Variants in SYT10 observed in about 807,000 individuals in gnomAD.
SYT10 encodes synaptotagmin-10.
A neutral mutation model predicts 51.1 loss-of-function variants in SYT10; 31 were observed. That is an observed-to-expected ratio of 0.61 (90% CI 0.46 to 0.82). The LOEUF is 0.82. Among genes scored for constraint, SYT10 ranks in the 40% least tolerant of loss-of-function variants. SYT10 has a pLI of 0.00. For missense variants in SYT10, 603 were observed against 634.0 expected, an observed-to-expected ratio of 0.95 and a Z score of 0.53; for synonymous variants, 233 against 225.9, an observed-to-expected ratio of 1.03 and a Z score of -0.28.
chr12:33,391,955 C>T (rs186505350), intron 3 of SYT10, among the ~76,000 whole-genome samples: 12 of 152,240 alleles, frequency 7.9e-5, no homozygotes, highest in African/African-American at 2.2e-4. Flanking sequence ...ACACTTTTTA[C>T]GGGTGTTGTG....
chr12:33,385,214 A>C lies in SYT10; in HGVS notation c.1155T>G (p.Ile385Met). The part of the protein sequence containing the change: ...PTAGRMTLTV[I>M]KCRNLKAMDI... ...CCATCGCCTTCAGATTTCTGCACTT[A>C]ATGACTGTCAATGTCATACGCCCAG... Residue 385 changes from isoleucine (I) to methionine (M), a missense_variant, in exon 4 of 7, where the codon ATT (isoleucine) becomes ATG (methionine). Ile to Met is a conservative substitution (Grantham distance 10). Coordinates refer to ENST00000228567, the MANE Select transcript of SYT10 (RefSeq NM_198992.4). 1.2e-6 allele frequency: 2 copies of C among 1,613,718 alleles called. No homozygotes were observed. Among genetic ancestry groups the C allele is most frequent in the Non-Finnish European group, 8.5e-7 (1 of 1,179,766 alleles).
At chr12:33,415,943 T>C (rs1203272433) in intron 2 of SYT10, among the ~76,000 whole-genome samples, 2 of 152,224 alleles carry the variant, frequency 1.3e-5, no homozygotes, top group Admixed American at 6.5e-5. Flanking sequence ...GGTAGAAATC[T>C]GGCTCTTCCC....
At chr12:33,379,549 C>CAAAAAAAAAAAAAAA (rs71068377) in intron 6 of SYT10, among the ~76,000 whole-genome samples, 3 of 22,068 alleles carry the variant, frequency 1.4e-4, no homozygotes, top group Non-Finnish European at 2.0e-4. Context: ...TCAGGCTATG[C>CAAAAAAAAAAAAAAA]AAAAAAAAAA....
chr12:33,439,474 G>C lies in SYT10; in HGVS notation c.49C>G (p.Leu17Val). The change falls in exon 1 of 7, where the codon CTG becomes GTG. Residue 17 changes from leucine (L) to valine (V), a missense_variant. Transcript: ENST00000228567. ...AAGCACAGCTCGGTGACGATGTGCA[G>C]AGCCTTCTGGCACAGACTGTTCACT... ...DGVNSLCQKA[L>V]HIVTELCFAG... 6.2e-7 allele frequency: 1 copy of C among 1,614,218 alleles called. No homozygotes were observed. The highest frequency in any genetic ancestry group is 8.5e-7 in the Non-Finnish European group (1 of 1,180,010).
At chr12:33,438,306 A>G (rs1866654427) in intron 1 of SYT10, among the ~76,000 whole-genome samples, 1 of 152,196 alleles carries the variant, frequency 6.6e-6, no homozygotes, top group African/African-American at 2.4e-5. Context: ...AAGAACCTAG[A>G]GAAGGAATGG....
intron 1 of SYT10, among the ~76,000 whole-genome samples, chr12:33,435,902 A>T (rs1866634034): frequency 6.6e-6 from 1 of 152,222 alleles, no homozygotes; most frequent in East Asian, 1.9e-4. Flanking sequence ...ACTGAAGAAC[A>T]TATGTATGAA....
intron 2 of SYT10, among the ~76,000 whole-genome samples, chr12:33,417,304 C>T (rs974141809): frequency 9.9e-5 from 15 of 151,208 alleles, no homozygotes; most frequent in African/African-American, 3.4e-4. Context: ...TGGATGATCT[C>T]GGGAGTGGAG....
In SYT10 at chr12:33,374,754, GA is replaced by G. The variant is rs1234251820; in HGVS notation, c.*2075del. ...TACAATTCCCATATTAGAGTCTTCT[GA>G]TTGGCCAATGGTTCACATTTTTTCA... On this transcript the variant is annotated 3_prime_UTR_variant, in exon 7 of 7. Coordinates refer to ENST00000228567, the MANE Select transcript of SYT10 (RefSeq NM_198992.4). 6.6e-6 allele frequency: 1 copy of G among 151,804 alleles called. No homozygotes were observed. Among genetic ancestry groups the G allele is most frequent in the Non-Finnish European group, 1.5e-5 (1 of 67,852 alleles). 9.4% of individuals were successfully genotyped at this position (151,804 alleles called of 1,614,324 possible). A position where few individuals can be genotyped will look rare whatever the true frequency, so the allele number is the denominator to read the frequency against.
intron 3 of SYT10, among the ~76,000 whole-genome samples, chr12:33,397,021 A>G (rs1056339480): frequency 1.3e-5 from 2 of 152,152 alleles, no homozygotes; most frequent in African/African-American, 4.8e-5. Flanking sequence ...GGCTCTTTCT[A>G]ACTTTCTGTG....
At chr12:33,439,209 C>A (rs1592001548) in intron 1 of SYT10, among the ~76,000 whole-genome samples, 163 bp downstream of exon 1, 1 of 152,350 alleles carries the variant, frequency 6.6e-6, no homozygotes, top group Non-Finnish European at 1.5e-5. Context: ...GCCCCACCCT[C>A]GAAGTCGTCA....
intron 1 of SYT10, among the ~76,000 whole-genome samples, chr12:33,431,166 A>C (rs1866593756): frequency 6.6e-6 from 1 of 152,208 alleles, no homozygotes; most frequent in Non-Finnish European, 1.5e-5. Flanking sequence ...AGATGGAAAA[A>C]GGGAAGGTGA....
chr12:33,408,016 C>T (rs1299763695), intron 2 of SYT10: 1 of 152,138 alleles, frequency 6.6e-6, no homozygotes, highest in East Asian at 1.9e-4. Flanking sequence ...ATTCAATATT[C>T]CACAGAAAAT....
rs1565499351 is a variant in SYT10 at position 33,426,154 on chromosome 12, G to C, written c.493C>G (p.Pro165Ala). The stretch of plus-strand genomic sequence containing the variant: ...TTTCCTTACCGGGTTGATGACGTAG[G>C]CTCAGTAATTTGTCTTTGCACACGT... Reference protein sequence around the residue: ...HARVQRQITEPTSSTRHSSFR... With the variant: ...HARVQRQITEATSSTRHSSFR... The change falls in exon 2 of 7, where the codon CCT (proline) becomes GCT (alanine). Residue 165 changes from proline (P) to alanine (A), a missense_variant. Transcript: ENST00000228567. The C allele has an allele frequency of 1.9e-6, 3 of 1,604,948 alleles. No individual in the cohort carries two copies. The highest frequency in any genetic ancestry group is 1.7e-6 in the Non-Finnish European group (2 of 1,177,552).
At chr12:33,405,209 G>A (rs1200136890) in intron 3 of SYT10, 1 of 152,090 alleles carries the variant, frequency 6.6e-6, no homozygotes, top group Non-Finnish European at 1.5e-5. Context: ...TAAATAAAAA[G>A]TAATAATAAG....
In SYT10 at chr12:33,397,623, C is replaced by T. The variant is rs182712341; in HGVS notation, c.1077+9166G>A. Among the ~76,000 whole-genome samples, 16 of 152,132 alleles carry T rather than the reference C, an allele frequency of 1.1e-4. No individual in the cohort carries two copies. The East Asian group carries it at 2.5e-3, about 24-fold the overall frequency. On this transcript the variant is annotated intron_variant, in intron 3 of 6. Transcript: ENST00000228567. ...AGCACTCACTGAACCTAAAGACACA[C>T]CTAGGAGATATACAGCATCTTCAGC...
chr12:33,392,985 T>TTAAAAAAAAAA (rs371711977), intron 3 of SYT10, among the ~76,000 whole-genome samples: 1 of 59,104 alleles, frequency 1.7e-5, no homozygotes, highest in African/African-American at 9.0e-5. Context: ...TTTTTGCCAT[T>TTAAAAAAAAAA]AAAAAAAAAA....
intron 2 of SYT10, 84 bp from the exon 3 acceptor site, chr12:33,407,440 C>T: frequency 1.4e-6 from 2 of 1,406,348 alleles, no homozygotes; most frequent in Non-Finnish European, 1.9e-6. Flanking sequence ...AACTCTTCCC[C>T]ACCCCCAGAA....
chr12:33,426,081 C>T, intron 2 of SYT10, 57 bp downstream of exon 2: 1 of 1,480,274 alleles, frequency 6.8e-7, no homozygotes, highest in Non-Finnish European at 9.1e-7. Context: ...CACACACACA[C>T]ACACACACAC....
chr12:33,386,622 T>A (rs1395647497), intron 3 of SYT10, among the ~76,000 whole-genome samples: 1 of 152,162 alleles, frequency 6.6e-6, no homozygotes. Context: ...AGACTGTACA[T>A]CCTTCATATC....
Sources: gnomAD v4.1 joint callset for allele counts (sites outside exome capture counted in the v4.1 genomes callset) on GRCh38, gnomAD v4.1.1 for gene constraint, MANE v1.5 for transcripts, NCBI Gene and HGNC (gene_info 2026-07-23, HGNC 2026-07-21) for gene names.